The following UGGT2 variants were observed in gnomAD, a reference collection of about 807,000 sequenced individuals.
The protein encoded by UGGT2 is UDP-glucose glycoprotein glucosyltransferase 2, also known as UDP-glucose:glycoprotein glucosyltransferase 2.
In UGGT2, 180 loss-of-function variants were observed where a neutral mutation model predicts 192.1. That is an observed-to-expected ratio of 0.94 (90% CI 0.83 to 1.06). The LOEUF (loss-of-function observed/expected upper bound fraction) is 1.06, where lower values mean the gene tolerates loss of function less well. UGGT2 is among the 50% of genes least tolerant of loss of function. The probability of loss-of-function intolerance (pLI) is 0.00; values close to 1 mark genes in which losing one functional copy is unlikely to be tolerated. For missense variants in UGGT2, 1,849 were observed against 1,795.7 expected (o/e 1.03, Z -0.54); for synonymous variants, 580 against 591.0 (o/e 0.98, Z 0.27).
At chr13:96,035,994 G>A (rs2052989951) in intron 1 of UGGT2, among the ~76,000 whole-genome samples, 1 of 152,198 alleles carries the variant, frequency 6.6e-6, no homozygotes, top group Non-Finnish European at 1.5e-5. Flanking sequence ...AGAAGACAGT[G>A]TGGCAATTCC....
At chr13:95,824,128 T>C (rs1463350833) in intron 38 of UGGT2, among the ~76,000 whole-genome samples, 1 of 152,148 alleles carries the variant, frequency 6.6e-6, no homozygotes, top group Non-Finnish European at 1.5e-5. Flanking sequence ...CCATTTCCCT[T>C]CTAGCTTATA....
intron 20 of UGGT2, among the ~76,000 whole-genome samples, chr13:95,913,237 T>C (rs1032950855): frequency 1.3e-5 from 2 of 151,994 alleles, no homozygotes; most frequent in South Asian, 2.1e-4. Flanking sequence ...AATTGACAAA[T>C]GGGATCTAAT....
At chr13:95,894,793 T>C (rs1325096704) in intron 23 of UGGT2, 136 bp from the exon 24 acceptor site, 2 of 639,772 alleles carry the variant, frequency 3.1e-6, no homozygotes, top group South Asian at 2.2e-5. Context: ...AAGGGAGACC[T>C]ACGTATAATA....
chr13:96,005,925 A>T (rs767354780), intron 5 of UGGT2, among the ~76,000 whole-genome samples: 5 of 152,074 alleles, frequency 3.3e-5, no homozygotes, highest in Non-Finnish European at 7.4e-5. Context: ...ACCCAACCCA[A>T]CTCCTGACCA....
intron 9 of UGGT2, chr13:95,985,184 A>G (rs927409033): frequency 2.0e-5 from 17 of 841,054 alleles, no homozygotes; most frequent in Middle Eastern, 6.2e-4. Flanking sequence ...AATAATTTTT[A>G]TAACGGCCAT....
At chr13:96,009,901 A>G (rs2052102828) in intron 5 of UGGT2, among the ~76,000 whole-genome samples, 1 of 152,212 alleles carries the variant, frequency 6.6e-6, no homozygotes, top group Admixed American at 6.5e-5. Flanking sequence ...TATGCTCAAT[A>G]TTACTAATCA....
intron 2 of UGGT2, among the ~76,000 whole-genome samples, chr13:96,026,748 T>C (rs1276880817): frequency 1.8e-4 from 27 of 147,912 alleles, no homozygotes; most frequent in African/African-American, 6.7e-4. Flanking sequence ...CTCGGCTCAC[T>C]GCAAGCTCCG....
Position 95,927,231 on chromosome 13 carries a change from T to C in UGGT2, c.2083A>G (p.Asn695Asp). 1 of 1,611,848 alleles carries C rather than the reference T, an allele frequency of 6.2e-7. No homozygotes were observed. The highest frequency in any genetic ancestry group is 8.5e-7 in the Non-Finnish European group (1 of 1,178,438). ...LILRTNQQYL[N>D]LISTSVTADV... ...ATTTTACCTGATGTAGATATTAAAT[T>C]GAGGTACTGCTGGTTAGTACGCAAA... The change falls in exon 18 of 39, where the codon AAT (asparagine) becomes GAT (aspartate). Residue 695 changes from asparagine to aspartate, a missense_variant. Asn to Asp is a conservative substitution (Grantham distance 23). Transcript: ENST00000376747.
chr13:95,972,608 C>T lies in UGGT2; in HGVS notation c.1156G>A (p.Val386Ile), dbSNP rs2050808758. 10 of 1,613,698 alleles carry T rather than the reference C, an allele frequency of 6.2e-6. No individual in the cohort carries two copies. The highest frequency in any genetic ancestry group is 8.5e-6 in the Non-Finnish European group (10 of 1,179,790). ...AAAGCGTCATAAACATCCATATCAA[C>T]ACGAAGGCCATTTATAAATAGACGA... is the stretch of plus-strand genomic sequence containing the variant. ...DARLFINGLR[V>I]DMDVYDAFSI... The change falls in exon 11 of 39, where the codon GTT (valine) becomes ATT (isoleucine). Residue 386 changes from valine to isoleucine, a missense_variant. By Grantham distance (29) the Val-to-Ile change is conservative (BLOSUM62 3). Coordinates refer to ENST00000376747, the MANE Select transcript of UGGT2 (RefSeq NM_020121.4).
In UGGT2 at chr13:95,854,312, T is replaced by C; in HGVS notation, c.4169+3A>G. On this transcript the variant is annotated splice_donor_region_variant and intron_variant, in intron 35 of 38. Coordinates refer to ENST00000376747, the MANE Select transcript of UGGT2 (RefSeq NM_020121.4). ...TAAATGGTAAGGGTCTGACTTTTCTTACCTGATATGGTATTTCCGTCTTAA... is the reference window on the plus strand; with the variant it reads ...TAAATGGTAAGGGTCTGACTTTTCTCACCTGATATGGTATTTCCGTCTTAA... 1 of 1,608,806 alleles carries C rather than the reference T, an allele frequency of 6.2e-7. No individual in the cohort carries two copies. The highest frequency in any genetic ancestry group is 1.7e-5 in the Admixed American group (1 of 58,962).
intron 33 of UGGT2, 110 bp from the exon 34 acceptor site, chr13:95,856,450 A>C: frequency 9.4e-7 from 1 of 1,067,584 alleles, no homozygotes; most frequent in Non-Finnish European, 1.3e-6. Flanking sequence ...GTTATAAACT[A>C]ATAGGCAAGA....
chr13:95,835,267 A>C (rs987747666), intron 37 of UGGT2, among the ~76,000 whole-genome samples: 2 of 152,172 alleles, frequency 1.3e-5, no homozygotes, highest in Non-Finnish European at 2.9e-5. Flanking sequence ...CAGGAGGGCT[A>C]CTCAATGACG....
At chr13:95,856,805 C>G (rs949561662) in intron 33 of UGGT2, 2 of 230,456 alleles carry the variant, frequency 8.7e-6, no homozygotes, top group Non-Finnish European at 1.7e-5. Flanking sequence ...AGATTCTATA[C>G]AGGAGCTTCA....
chr13:95,912,263 A>G (rs1050390788), intron 20 of UGGT2, among the ~76,000 whole-genome samples: 5 of 152,310 alleles, frequency 3.3e-5, no homozygotes, highest in South Asian at 2.1e-4. Flanking sequence ...AAAGAAATAA[A>G]GGGTGTTCAA....
At chr13:96,049,117 A>T (rs2053409865) in intron 1 of UGGT2, among the ~76,000 whole-genome samples, 1 of 152,220 alleles carries the variant, frequency 6.6e-6, no homozygotes, top group African/African-American at 2.4e-5. Flanking sequence ...GCAGCATCTC[A>T]AAAAGCTTAT....
intron 1 of UGGT2, 117 bp downstream of exon 1, chr13:96,053,038 G>A (rs998078300): frequency 2.3e-6 from 3 of 1,322,908 alleles, no homozygotes; most frequent in Non-Finnish European, 2.0e-6. Context: ...GGGCCAGAGC[G>A]GGGGCGTCTG....
chr13:95,808,039 G>A (rs1365094565), intron 38 of UGGT2, among the ~76,000 whole-genome samples: 3 of 152,038 alleles, frequency 2.0e-5, no homozygotes, highest in Non-Finnish European at 4.4e-5. Context: ...TGTTGAGTTT[G>A]GGGGCCGATA....
chr13:95,980,427 A>G (rs1427685177), intron 10 of UGGT2, among the ~76,000 whole-genome samples: 3 of 152,144 alleles, frequency 2.0e-5, no homozygotes, highest in East Asian at 1.9e-4. Context: ...CATAAGAATG[A>G]TACATTGGAC....
At chr13:95,965,073 T>C (rs1360313743) in intron 12 of UGGT2, among the ~76,000 whole-genome samples, 2 of 150,568 alleles carry the variant, frequency 1.3e-5, no homozygotes, top group African/African-American at 4.9e-5. Flanking sequence ...ATGGCGATCA[T>C]TAAAAAGTCA....
Sources: allele counts gnomAD v4.1 joint callset (sites outside exome capture counted in the v4.1 genomes callset), GRCh38; gene constraint gnomAD v4.1.1; transcripts MANE v1.5; gene names NCBI Gene and HGNC (gene_info 2026-07-23, HGNC 2026-07-21).